The following NKAIN2 variants were observed in gnomAD, a reference collection of about 807,000 sequenced individuals.
NKAIN2 encodes the protein sodium/potassium transporting ATPase interacting 2.
In NKAIN2, 14 loss-of-function variants were observed where a neutral mutation model predicts 32.6. That is an observed-to-expected ratio of 0.43 (90% CI 0.28 to 0.67). The LOEUF (loss-of-function observed/expected upper bound fraction) is 0.67, where lower values mean the gene tolerates loss of function less well. NKAIN2 is among the 30% of genes least tolerant of loss of function. The pLI, the probability that NKAIN2 is intolerant of heterozygous loss-of-function variation, is 0.17. For missense variants in NKAIN2, 198 were observed against 258.3 expected, an observed-to-expected ratio of 0.77 and a Z score of 1.60; for synonymous variants, 80 against 87.2, an observed-to-expected ratio of 0.92 and a Z score of 0.46.
At chr6:124,597,528 T>C (rs942641626) in intron 3 of NKAIN2, among the ~76,000 whole-genome samples, 1 of 152,112 alleles carries the variant, frequency 6.6e-6, no homozygotes, top group Admixed American at 6.6e-5. Context: ...CATAATTGAT[T>C]TCATTCTTTT....
chr6:124,553,258 A>G lies in NKAIN2; in HGVS notation c.274-104928A>G, dbSNP rs559344026. 1.8e-4 allele frequency among the ~76,000 whole-genome samples: 27 copies of G among 152,342 alleles called. No individual in the cohort carries two copies. In the South Asian group the frequency reaches 5.6e-3, roughly 32 times the overall value. ...TATGGTAGATAAAAGGGACAGAACT[A>G]GCATTTATTAAACATCTACTATGTG... On this transcript the variant is annotated intron_variant, in intron 3 of 6. Coordinates refer to ENST00000368417, the MANE Select transcript of NKAIN2 (RefSeq NM_001040214.3).
chr6:124,239,755 G>A (rs1056327587), intron 1 of NKAIN2, among the ~76,000 whole-genome samples: 4 of 152,158 alleles, frequency 2.6e-5, no homozygotes, highest in African/African-American at 9.7e-5. Context: ...AGTGTTTAGA[G>A]GGAAATTTAT....
rs1172791596 is a variant in NKAIN2, at chr6:124,277,412, G to C, written c.55-5593G>C. Among the ~76,000 whole-genome samples the C allele has an allele frequency of 2.0e-5, 3 of 148,372 alleles. No individual in the cohort carries two copies. In the Admixed American group the frequency reaches 2.0e-4, roughly 10 times the overall value. ...TTTCCATCTTGGATTTTCCCTAGTA[G>C]TATGTGTCTGTGTGTCGTGTGTGTG... On this transcript the variant is annotated intron_variant, in intron 1 of 6. Transcript: ENST00000368417.
chr6:124,167,538 A>G (rs1244694026), intron 1 of NKAIN2, among the ~76,000 whole-genome samples: 2 of 152,182 alleles, frequency 1.3e-5, no homozygotes, highest in Non-Finnish European at 2.9e-5. Context: ...TGCCCTGGCC[A>G]GAACTTCCAA....
At chr6:124,492,516 G>T (rs1217540166) in intron 3 of NKAIN2, among the ~76,000 whole-genome samples, 1 of 151,784 alleles carries the variant, frequency 6.6e-6, no homozygotes, top group Admixed American at 6.6e-5. Context: ...TTAAAATAGT[G>T]TCTCTTAGAT....
intron 4 of NKAIN2, among the ~76,000 whole-genome samples, chr6:124,785,699 T>C (rs2114795457): frequency 6.6e-6 from 1 of 152,240 alleles, no homozygotes; most frequent in African/African-American, 2.4e-5. Context: ...CCCACTAGCC[T>C]CTGACTGATA....
At chr6:124,192,950 C>A (rs1271840187) in intron 1 of NKAIN2, among the ~76,000 whole-genome samples, 1 of 151,952 alleles carries the variant, frequency 6.6e-6, no homozygotes, top group Non-Finnish European at 1.5e-5. Context: ...GGGGTTTCAC[C>A]GTGTTAGCCA....
At chr6:124,660,531 A>G (rs772179999) in intron 4 of NKAIN2, among the ~76,000 whole-genome samples, 1 of 152,212 alleles carries the variant, frequency 6.6e-6, no homozygotes, top group Non-Finnish European at 1.5e-5. Context: ...GGTTATTGCT[A>G]AGAACAGATG....
At chr6:124,570,476 C>T (rs1003152836) in intron 3 of NKAIN2, among the ~76,000 whole-genome samples, 1 of 152,098 alleles carries the variant, frequency 6.6e-6, no homozygotes, top group African/African-American at 2.4e-5. Flanking sequence ...GCGCTGTGTG[C>T]AGCCCTGTGT....
At chr6:123,852,200 C>T (rs984182766) in intron 1 of NKAIN2, among the ~76,000 whole-genome samples, 28 of 152,232 alleles carry the variant, frequency 1.8e-4, no homozygotes, top group East Asian at 1.2e-3. Context: ...CTTATTGAAG[C>T]GACAACATGA....
At chr6:124,351,508 CA>C (rs397956239) in intron 2 of NKAIN2, among the ~76,000 whole-genome samples, 153 of 108,980 alleles carry the variant, frequency 1.4e-3, no homozygotes, top group Non-Finnish European at 1.8e-3. Flanking sequence ...TCAAAAAAAC[CA>C]AAAAAAAAAA....
chr6:124,725,926 G>T (rs947099344), intron 4 of NKAIN2, among the ~76,000 whole-genome samples: 9 of 152,214 alleles, frequency 5.9e-5, no homozygotes, highest in Admixed American at 3.9e-4. Flanking sequence ...TTCCCTTTCC[G>T]AGTCAAAGAA....
At chr6:124,687,288 T>C (rs1473572214) in intron 4 of NKAIN2, among the ~76,000 whole-genome samples, 1 of 143,122 alleles carries the variant, frequency 7.0e-6, no homozygotes, top group African/African-American at 2.5e-5. Flanking sequence ...AGAGAGAATA[T>C]ATATATTCTA....
chr6:124,280,129 A>G (rs1208200766), intron 1 of NKAIN2, among the ~76,000 whole-genome samples: 1 of 152,196 alleles, frequency 6.6e-6, no homozygotes, highest in East Asian at 1.9e-4. Flanking sequence ...GGCCAAATAC[A>G]TACATTTCTA....
At chr6:124,469,937 T>C (rs1583298831) in intron 3 of NKAIN2, among the ~76,000 whole-genome samples, 1 of 152,312 alleles carries the variant, frequency 6.6e-6, no homozygotes, top group Middle Eastern at 3.4e-3. Flanking sequence ...GACTTCTTTG[T>C]GCTTCACTTA....
intron 1 of NKAIN2, among the ~76,000 whole-genome samples, chr6:124,052,233 C>T (rs372397069): frequency 1.3e-4 from 19 of 151,948 alleles, no homozygotes; most frequent in East Asian, 7.8e-4. Flanking sequence ...TTCAGAGATA[C>T]GAAATTTATA....
chr6:123,915,413 C>G (rs758588301), intron 1 of NKAIN2, among the ~76,000 whole-genome samples: 46 of 152,146 alleles, frequency 3.0e-4, no homozygotes, highest in Admixed American at 5.2e-4. Context: ...CTTTACCACC[C>G]AACTCCCTTT....
In NKAIN2 at chr6:124,362,243, A is replaced by C. The variant is rs185741374; in HGVS notation, c.273+6896A>C. Reference sequence around the variant, plus strand: ...ATTAACTATTACTAAAGTAATTAGAAAAAATTTTTATTTCCCAACTATCAA... The same window carrying C: ...ATTAACTATTACTAAAGTAATTAGACAAAATTTTTATTTCCCAACTATCAA... On this transcript the variant is annotated intron_variant, in intron 3 of 6. Transcript: ENST00000368417. Among the ~76,000 whole-genome samples the C allele has an allele frequency of 3.2e-3, 485 of 152,206 alleles. 2 individuals are homozygous for C. The highest frequency in any genetic ancestry group is 5.5e-3 in the Non-Finnish European group (375 of 67,976).
At chr6:124,392,374 T>A (rs1477250805) in intron 3 of NKAIN2, among the ~76,000 whole-genome samples, 1 of 152,132 alleles carries the variant, frequency 6.6e-6, no homozygotes, top group Admixed American at 6.6e-5. Context: ...CTTTGTGACG[T>A]TTTTCACTTC....
Sources: gnomAD v4.1 joint callset for allele counts (sites outside exome capture counted in the v4.1 genomes callset) on GRCh38, gnomAD v4.1.1 for gene constraint, MANE v1.5 for transcripts, NCBI Gene and HGNC (gene_info 2026-07-23, HGNC 2026-07-21) for gene names.